SCARF1: variants seen among roughly 807,000 people sequenced by gnomAD.
The protein encoded by SCARF1 is scavenger receptor class F member 1, also known as acetyl LDL receptor.
SCARF1 carries 49 observed loss-of-function variants against 76.3 expected under a neutral mutation model. That is an observed-to-expected ratio of 0.64 (90% confidence interval 0.51 to 0.81). The LOEUF is 0.81. SCARF1 is among the 40% of genes least tolerant of loss of function. The pLI is 0.00. For missense variants in SCARF1, 1,098 were observed against 1,143.9 expected, an observed-to-expected ratio of 0.96 and a Z score of 0.58; for synonymous variants, 495 against 474.6, an observed-to-expected ratio of 1.04 and a Z score of -0.56.
At chr17:1,641,356 C>T (rs1910034289) in intron 4 of SCARF1, among the ~76,000 whole-genome samples, 1 of 152,168 alleles carries the variant, frequency 6.6e-6, no homozygotes, top group Admixed American at 6.5e-5. Context: ...TCACTGTCTC[C>T]CATCACCCCC....
At position 1,643,943 on chromosome 17, in the gene SCARF1, G is replaced by A; in HGVS notation, c.290C>T (p.Pro97Leu). ...SSRCPGQYWG[P>L]DCRESCPCHP... Reference sequence around the variant, plus strand: ...GCAGGGGCAGCTCTCACGGCAGTCGGGGCCCCAGTACTGGCCCGGGCAGCC... The same window carrying A: ...GCAGGGGCAGCTCTCACGGCAGTCGAGGCCCCAGTACTGGCCCGGGCAGCC... Residue 97 changes from proline (P) to leucine (L), a missense_variant, in exon 4 of 11, where the codon CCC becomes CTC. By Grantham distance (98) the Pro-to-Leu change is moderately conservative. Transcript: ENST00000263071. 7.4e-7 allele frequency: 1 copy of A among 1,352,374 alleles called. No homozygotes were observed. The highest frequency in any genetic ancestry group is 9.5e-7 in the Non-Finnish European group (1 of 1,055,352). The allele number at this position is 1,352,374 out of a possible 1,614,324, so 83.8% of individuals were successfully genotyped here.
Position 1,645,204 on chromosome 17 carries a change from C to T in SCARF1, c.137G>A (p.Arg46Lys), listed in dbSNP as rs776845282. 7 of 1,613,726 alleles carry T rather than the reference C, an allele frequency of 4.3e-6. No individual in the cohort carries two copies. In the Admixed American group the frequency reaches 1.2e-4, roughly 27 times the overall value. The part of the protein sequence containing the change: ...SAELQCCAGW[R>K]QKDQECTIPI... ...GATGGTGCATTCTTGATCCTTCTGCCTCCAGCCTGCGCAGCACTGCAGCTC... is the reference window on the plus strand; with the variant it reads ...GATGGTGCATTCTTGATCCTTCTGCTTCCAGCCTGCGCAGCACTGCAGCTC... The change falls in exon 2 of 11, where the codon AGG becomes AAG. Residue 46 changes from arginine to lysine, a missense_variant. Coordinates refer to ENST00000263071, the MANE Select transcript of SCARF1 (RefSeq NM_003693.4). This position sits in a 1 kb window ranked among gnomAD's most constrained non-coding sequence, Gnocchi z 6.3.
Position 1,643,779 on chromosome 17 carries a change from G to C in SCARF1, c.454C>G (p.Pro152Ala), listed in dbSNP as rs1000198744. ...CGGCACGTGGACGACCACCAGCCGG[G>C]TTCGCAGTGGCACACGCCGGTCGCG... ...DPATGVCHCE[P>A]GWWSSTCRRP... Residue 152 changes from proline (P) to alanine (A), a missense_variant, in exon 4 of 11, where the codon CCC becomes GCC. Pro to Ala is a conservative substitution (Grantham distance 27). Transcript: ENST00000263071. The C allele has an allele frequency of 6.7e-5, 86 of 1,278,314 alleles. No individual in the cohort carries two copies. Among genetic ancestry groups the C allele is most frequent in the Non-Finnish European group, 7.9e-5 (80 of 1,016,560 alleles). The allele number at this position is 1,278,314 out of a possible 1,614,324, so 79.2% of individuals were successfully genotyped here. A position where few individuals can be genotyped will look rare whatever the true frequency, so the allele number is the denominator to read the frequency against.
In SCARF1 at chr17:1,635,295, A is replaced by G. The variant is rs565482664; in HGVS notation, c.1956T>C (p.Ser652=). 1.2e-6 allele frequency: 2 copies of G among 1,611,916 alleles called. No homozygotes were observed. The highest frequency in any genetic ancestry group is 1.7e-5 in the Admixed American group (1 of 59,982). The part of the protein sequence containing the change: ...EAPESFPAAA[S]PGDSATGHRR... ...GGTGGCCAGTGGCTGAATCCCCGGG[A>G]CTGGCAGCCGCCGGAAAGGACTCGG... The change falls in exon 11 of 11, where the codon AGT becomes AGC. Residue 652 remains serine (S), a synonymous_variant. Coordinates refer to ENST00000263071, the MANE Select transcript of SCARF1 (RefSeq NM_003693.4).
In SCARF1 at chr17:1,635,464, G is replaced by A. The variant is rs780110267; in HGVS notation, c.1787C>T (p.Thr596Ile). The change falls in exon 11 of 11, where the codon ACC becomes ATC. Residue 596 changes from threonine (T) to isoleucine (I), a missense_variant. Coordinates refer to ENST00000263071, the MANE Select transcript of SCARF1 (RefSeq NM_003693.4). ...TCGGCGACTCTGTGGTGCAAACTTGGTACCTTCCGCGAAGGAGACCGATGG... is the reference window on the plus strand; with the variant it reads ...TCGGCGACTCTGTGGTGCAAACTTGATACCTTCCGCGAAGGAGACCGATGG... The part of the protein sequence containing the change: ...KRPSVSFAEG[T>I]KFAPQSRRSS... 2.5e-6 allele frequency: 4 copies of A among 1,614,082 alleles called. No individual in the cohort carries two copies. Among genetic ancestry groups the A allele is most frequent in the Non-Finnish European group, 3.4e-6 (4 of 1,179,962 alleles).
rs915827678 is a variant in SCARF1 at position 1,644,699 on chromosome 17, A to G, written c.265+135T>C. On this transcript the variant is annotated intron_variant, in intron 3 of 10. Transcript: ENST00000263071. This position sits in a 1 kb window ranked among gnomAD's most constrained non-coding sequence, Gnocchi z 4.8. ...GTGTCACTTCCTGTCTCTGGACCGCAATTCCTCAGTGAAGCTGGGGGGGAT... is the reference window on the plus strand; with the variant it reads ...GTGTCACTTCCTGTCTCTGGACCGCGATTCCTCAGTGAAGCTGGGGGGGAT... 5.8e-5 allele frequency: 48 copies of G among 826,580 alleles called. No individual in the cohort carries two copies. The African/African-American group carries it at 6.6e-4, about 11-fold the overall frequency. The allele number at this position is 826,580 out of a possible 1,614,324, so 51.2% of individuals were successfully genotyped here.
chr17:1,641,654 G>A (rs976291926), intron 4 of SCARF1, among the ~76,000 whole-genome samples: 3 of 152,140 alleles, frequency 2.0e-5, no homozygotes, highest in African/African-American at 7.2e-5. Flanking sequence ...CATTAGTAGG[G>A]GAGAAGAAGG....
rs767486710 is a variant in SCARF1 at position 1,640,644 on chromosome 17, C to T, written c.814G>A (p.Glu272Lys). 6.2e-6 allele frequency: 10 copies of T among 1,612,514 alleles called. No homozygotes were observed. The South Asian group carries it at 9.9e-5, about 16-fold the overall frequency. Residue 272 changes from glutamate to lysine, a missense_variant, in exon 5 of 11, where the codon GAG (glutamate) becomes AAG (lysine). Coordinates refer to ENST00000263071, the MANE Select transcript of SCARF1 (RefSeq NM_003693.4). The surrounding 1 kb of genome is among the most constrained non-coding windows in gnomAD (Gnocchi z 4.7). ...CTGCCTGTGTCTGGAGAGCACGGCTCATTGTGTTTGCAGCGGCCACAGCTG... is the reference window on the plus strand; with the variant it reads ...CTGCCTGTGTCTGGAGAGCACGGCTTATTGTGTTTGCAGCGGCCACAGCTG... ...AHSCGRCKHNEPCSPDTGSCE... is the reference protein window; with the variant it reads ...AHSCGRCKHNKPCSPDTGSCE...
chr17:1,636,917 C>T (rs1232932249), intron 9 of SCARF1, 24 bp downstream of exon 9: 2 of 1,614,050 alleles, frequency 1.2e-6, no homozygotes, highest in South Asian at 1.1e-5. Flanking sequence ...CAATCCCAGA[C>T]CCCGGCCCCC....
At chr17:1,635,869 G>A (rs1031145347) in intron 10 of SCARF1, among the ~76,000 whole-genome samples, 3 of 150,314 alleles carry the variant, frequency 2.0e-5, no homozygotes, top group African/African-American at 7.4e-5. Context: ...CAGTCCTCCC[G>A]CCTCAGCCTC....
chr17:1,643,705 C>T lies in SCARF1; in HGVS notation c.528G>A (p.Thr176=). The part of the protein sequence containing the change: ...NTAAARCEQA[T]GACVCKPGWW... ...AGCCCGGCTTGCACACGCAGGCGCC[C>T]GTGGCCTGCTCGCAGCGCGCCGCCG... The change falls in exon 4 of 11, where the codon ACG becomes ACA. Residue 176 remains threonine (T), a synonymous_variant. Coordinates refer to ENST00000263071, the MANE Select transcript of SCARF1 (RefSeq NM_003693.4). The T allele has an allele frequency of 1.5e-6, 2 of 1,367,886 alleles. No individual in the cohort carries two copies. Among genetic ancestry groups the T allele is most frequent in the Non-Finnish European group, 1.9e-6 (2 of 1,067,190 alleles). 84.7% of individuals were successfully genotyped at this position (1,367,886 alleles called of 1,614,324 possible). A position where few individuals can be genotyped will look rare whatever the true frequency, so the allele number is the denominator to read the frequency against.
At chr17:1,643,126 G>A (rs1210959509) in intron 4 of SCARF1, among the ~76,000 whole-genome samples, 1 of 77,754 alleles carries the variant, frequency 1.3e-5, no homozygotes, top group Non-Finnish European at 2.5e-5. Flanking sequence ...CCCGCTCACA[G>A]GTCTCCGCGC....
rs1001692572 is a variant in SCARF1 at position 1,637,206 on chromosome 17, T to C, written c.1365-144A>G. On this transcript the variant is annotated intron_variant, in intron 8 of 10. Coordinates refer to ENST00000263071, the MANE Select transcript of SCARF1 (RefSeq NM_003693.4). The stretch of plus-strand genomic sequence containing the variant: ...GACTACAGAATAAAATCCAAATGAT[T>C]GAGCCCACAATTCAGGCCTGCCACA... 5.7e-6 allele frequency: 5 copies of C among 883,490 alleles called. No homozygotes were observed. The African/African-American group carries it at 8.4e-5, about 15-fold the overall frequency. 54.7% of individuals were successfully genotyped at this position (883,490 alleles called of 1,614,324 possible). A position where few individuals can be genotyped will look rare whatever the true frequency, so the allele number is the denominator to read the frequency against.
chr17:1,645,531 C>T lies in SCARF1; in HGVS notation c.101+66G>A. ...CTAACGGCCTCAACACCGGTTCAGCCACCCGCATCAGACTCCCACGAGACC... is the reference window on the plus strand; with the variant it reads ...CTAACGGCCTCAACACCGGTTCAGCTACCCGCATCAGACTCCCACGAGACC... On this transcript the variant is annotated intron_variant, in intron 1 of 10. Coordinates refer to ENST00000263071, the MANE Select transcript of SCARF1 (RefSeq NM_003693.4). This position sits in a 1 kb window ranked among gnomAD's most constrained non-coding sequence, Gnocchi z 6.3. 6.4e-7 allele frequency: 1 copy of T among 1,560,188 alleles called. No homozygotes were observed. Among genetic ancestry groups the T allele is most frequent in the Non-Finnish European group, 8.6e-7 (1 of 1,159,404 alleles).
intron 4 of SCARF1, among the ~76,000 whole-genome samples, chr17:1,641,962 TC>T (rs1910087832): frequency 6.6e-6 from 1 of 151,788 alleles, no homozygotes; most frequent in South Asian, 2.1e-4. Context: ...CCTCAGGTGA[TC>T]CGCCCGCCTC....
intron 4 of SCARF1, among the ~76,000 whole-genome samples, chr17:1,642,089 C>T (rs924947596): frequency 5.9e-5 from 9 of 152,116 alleles, no homozygotes; most frequent in Non-Finnish European, 1.3e-4. Flanking sequence ...CTAAAGGGAC[C>T]TTGCTCAGGA....
chr17:1,634,998 G>C lies in SCARF1; in HGVS notation c.2253C>G (p.Gly751=). ...GSPGLASGSV[G]QSPNSAPKAG... ...CTTTTGGGGCTGAGTTGGGGCTCTG[G>C]CCGACAGAGCCAGAGGCAAGGCCAG... Residue 751 remains glycine, a synonymous_variant, in exon 11 of 11, where the codon GGC becomes GGG. Coordinates refer to ENST00000263071, the MANE Select transcript of SCARF1 (RefSeq NM_003693.4). 1 of 1,613,840 alleles carries C rather than the reference G, an allele frequency of 6.2e-7. No homozygotes were observed. Among genetic ancestry groups the C allele is most frequent in the Middle Eastern group, 1.7e-4 (1 of 6,054 alleles).
At chr17:1,636,902 C>T (rs200979548) in intron 9 of SCARF1, 39 bp downstream of exon 9, 1 of 1,614,052 alleles carries the variant, frequency 6.2e-7, no homozygotes, top group East Asian at 2.2e-5. Context: ...ATGCAAAGCC[C>T]TGTCCAATCC....
At chr17:1,638,726 A>ACCCCCATCACCTCTGAC in intron 8 of SCARF1, 80 bp downstream of exon 8, 1 of 1,369,338 alleles carries the variant, frequency 7.3e-7, no homozygotes, top group Non-Finnish European at 9.6e-7. Flanking sequence ...AGCCCTCCCC[A>ACCCCCATCACCTCTGAC]CCCCACAAGG....
Sources: allele counts gnomAD v4.1 joint callset (sites outside exome capture counted in the v4.1 genomes callset), GRCh38; gene constraint gnomAD v4.1.1; non-coding constraint Gnocchi (gnomAD v3.1); transcripts MANE v1.5; gene names NCBI Gene and HGNC (gene_info 2026-07-23, HGNC 2026-07-21).